Variants in SAP30BP observed in about 807,000 individuals in gnomAD.
The protein encoded by SAP30BP is SAP30-binding protein.
A neutral mutation model predicts 46.3 loss-of-function variants in SAP30BP; 31 were observed. That is an observed-to-expected ratio of 0.67 (90% CI 0.50 to 0.90). The LOEUF is 0.90. SAP30BP is among the 40% of genes least tolerant of loss of function. The pLI, the probability that SAP30BP is intolerant of heterozygous loss-of-function variation, is 0.00. For synonymous variants in SAP30BP, 169 were observed against 144.2 expected, an observed-to-expected ratio of 1.17 and a Z score of -1.23; for missense variants, 312 against 391.0, an observed-to-expected ratio of 0.80 and a Z score of 1.70.
rs772489589 is a variant in SAP30BP at position 75,706,535 on chromosome 17, C to G, written c.*14C>G. The G allele has an allele frequency of 6.2e-7, 1 of 1,612,890 alleles. No individual in the cohort carries two copies. Among genetic ancestry groups the G allele is most frequent in the Non-Finnish European group, 8.5e-7 (1 of 1,179,232 alleles). ...GCCAAGCAGTGACCTGAGGGGCCACCCTAGGACTTGAAAGGACCGTGCAGC... is the reference window on the plus strand; with the variant it reads ...GCCAAGCAGTGACCTGAGGGGCCACGCTAGGACTTGAAAGGACCGTGCAGC... On this transcript the variant is annotated 3_prime_UTR_variant, in exon 11 of 11. Coordinates refer to ENST00000584667, the MANE Select transcript of SAP30BP (RefSeq NM_013260.8). The surrounding 1 kb of genome is among the most constrained non-coding windows in gnomAD (Gnocchi z 4.6).
At chr17:75,690,150 C>T (rs2060221026) in intron 3 of SAP30BP, among the ~76,000 whole-genome samples, 1 of 152,042 alleles carries the variant, frequency 6.6e-6, no homozygotes, top group Admixed American at 6.6e-5. Flanking sequence ...TAAAATAAAT[C>T]GTTCATCACA....
chr17:75,704,116 A>G (rs147163144), intron 8 of SAP30BP, among the ~76,000 whole-genome samples: 4 of 152,326 alleles, frequency 2.6e-5, no homozygotes, highest in East Asian at 1.9e-4. Flanking sequence ...TGCTGGGTAC[A>G]GGGGAGCTTT....
At chr17:75,694,086 G>A (rs551577663) in intron 4 of SAP30BP, among the ~76,000 whole-genome samples, 60 of 152,246 alleles carry the variant, frequency 3.9e-4, no homozygotes, top group Admixed American at 9.8e-4. Context: ...GGCAGTTCCC[G>A]GCATCTGAGT....
At chr17:75,680,134 C>T (rs1446955267) in intron 3 of SAP30BP, among the ~76,000 whole-genome samples, 1 of 152,004 alleles carries the variant, frequency 6.6e-6, no homozygotes, top group African/African-American at 2.4e-5. Context: ...ACTGGGATCG[C>T]CGGCCTCCCT....
chr17:75,696,348 C>T (rs1170967714), intron 4 of SAP30BP, among the ~76,000 whole-genome samples: 1 of 147,390 alleles, frequency 6.8e-6, no homozygotes, highest in South Asian at 2.1e-4. Flanking sequence ...GCCTGGCCAG[C>T]GTGGTGAAAC....
At chr17:75,700,413 C>A (rs529392438) in intron 5 of SAP30BP, among the ~76,000 whole-genome samples, 1 of 152,156 alleles carries the variant, frequency 6.6e-6, no homozygotes, top group Non-Finnish European at 1.5e-5. Context: ...CCTGGGGGGA[C>A]AGCTAGGGTT....
chr17:75,700,730 C>T (rs558309102), intron 5 of SAP30BP, among the ~76,000 whole-genome samples: 2 of 152,334 alleles, frequency 1.3e-5, no homozygotes, highest in Admixed American at 6.5e-5. Flanking sequence ...CCACCACCGC[C>T]CTCCAGAATC....
Position 75,697,323 on chromosome 17 carries a change from T to TC in SAP30BP, c.308-2454dup, listed in dbSNP as rs1025327157. On this transcript the variant is annotated intron_variant, in intron 4 of 10. Transcript: ENST00000584667. ...TTGCTGCTTGTGAGATAGGACCAGC[T>TC]CCCCCCAGCTGATTCCACTCTCCAC... is the stretch of plus-strand genomic sequence containing the variant. Among the ~76,000 whole-genome samples the TC allele has an allele frequency of 1.3e-5, 2 of 151,740 alleles. 1 individual carries two copies. The highest frequency in any genetic ancestry group is 2.9e-5 in the Non-Finnish European group (2 of 67,940).
At chr17:75,696,002 C>T (rs1386883692) in intron 4 of SAP30BP, among the ~76,000 whole-genome samples, 4 of 152,188 alleles carry the variant, frequency 2.6e-5, no homozygotes, top group Admixed American at 1.3e-4. Context: ...CCCATAAGCC[C>T]GTCCAACTAG....
At chr17:75,675,803 G>C (rs2059981243) in intron 3 of SAP30BP, among the ~76,000 whole-genome samples, 2 of 152,102 alleles carry the variant, frequency 1.3e-5, no homozygotes. Context: ...TCTAGTCCCA[G>C]CTACTCGAGA....
At chr17:75,695,746 C>T (rs749388253) in intron 4 of SAP30BP, among the ~76,000 whole-genome samples, 1 of 152,074 alleles carries the variant, frequency 6.6e-6, no homozygotes, top group Non-Finnish European at 1.5e-5. Context: ...TGTAGACAGC[C>T]CCAGCTTTTA....
In SAP30BP at chr17:75,683,092, T is replaced by C. The variant is rs551626497; in HGVS notation, c.265-10348T>C. Among the ~76,000 whole-genome samples, 12 of 145,996 alleles carry C rather than the reference T, an allele frequency of 8.2e-5. 1 individual carries two copies. The East Asian group carries it at 2.5e-3, about 31-fold the overall frequency. On this transcript the variant is annotated intron_variant, in intron 3 of 10. Coordinates refer to ENST00000584667, the MANE Select transcript of SAP30BP (RefSeq NM_013260.8). Reference sequence around the variant, plus strand: ...CAGAGTCTCACTCTGTCGCCCAGGCTGGAGTGCAGTGGTGCGATCTCAGCT... The same window carrying C: ...CAGAGTCTCACTCTGTCGCCCAGGCCGGAGTGCAGTGGTGCGATCTCAGCT...
At chr17:75,698,244 TC>T (rs908379634) in intron 4 of SAP30BP, among the ~76,000 whole-genome samples, 16 of 152,360 alleles carry the variant, frequency 1.1e-4, no homozygotes, top group African/African-American at 3.8e-4. Context: ...TTGTGGTTCT[TC>T]CCATCAGAAT....
At chr17:75,703,443 C>T in intron 7 of SAP30BP, 72 bp downstream of exon 7, 3 of 1,389,058 alleles carry the variant, frequency 2.2e-6, no homozygotes, top group Non-Finnish European at 3.0e-6. Context: ...TGGGATTTGA[C>T]CTGCAGCCAC....
intron 2 of SAP30BP, among the ~76,000 whole-genome samples, chr17:75,670,531 C>T (rs2059893283): frequency 6.6e-6 from 1 of 152,088 alleles, no homozygotes; most frequent in East Asian, 1.9e-4. Context: ...TTCTTTAGTA[C>T]GTTTGCATAA....
intron 5 of SAP30BP, among the ~76,000 whole-genome samples, chr17:75,701,733 A>AGTG (rs1159845406): frequency 1.3e-5 from 2 of 152,206 alleles, no homozygotes; most frequent in Non-Finnish European, 2.9e-5. Context: ...TGTGGCTCAC[A>AGTG]GTTCTGCTGA....
intron 3 of SAP30BP, among the ~76,000 whole-genome samples, chr17:75,674,690 G>GTTTGTTTTTTTTTT (rs2059958498): frequency 5.1e-5 from 2 of 39,578 alleles, no homozygotes; most frequent in African/African-American, 1.3e-4. Context: ...TTTTTTGTTT[G>GTTTGTTTTTTTTTT]TTTTTTGTTT....
At chr17:75,673,149 T>C (rs2059931804) in intron 3 of SAP30BP, among the ~76,000 whole-genome samples, 1 of 152,148 alleles carries the variant, frequency 6.6e-6, no homozygotes. Flanking sequence ...ACTAAAATCT[T>C]GAGACGTTGT....
At chr17:75,667,581 A>G in intron 1 of SAP30BP, 103 bp downstream of exon 1, 1 of 1,042,626 alleles carries the variant, frequency 9.6e-7, no homozygotes, top group African/African-American at 1.6e-5. Flanking sequence ...TGCTCCAAGC[A>G]CCGGACCCCG....
Sources: gnomAD v4.1 joint callset for allele counts (sites outside exome capture counted in the v4.1 genomes callset) on GRCh38, gnomAD v4.1.1 for gene constraint, Gnocchi (gnomAD v3.1) non-coding constraint, MANE v1.5 for transcripts, NCBI Gene and HGNC (gene_info 2026-07-23, HGNC 2026-07-21) for gene names.